Variants in NBEAL1 observed in about 807,000 individuals in gnomAD.
The protein encoded by NBEAL1 is neurobeachin-like protein 1.
In NBEAL1, 273 loss-of-function variants were observed where a neutral mutation model predicts 351.3. The ratio of observed to expected loss-of-function variants is 0.78; its 90% CI spans 0.70 to 0.86. The LOEUF (loss-of-function observed/expected upper bound fraction) is 0.86, where lower values mean the gene tolerates loss of function less well. NBEAL1 is among the 40% of genes least tolerant of loss of function. The probability of loss-of-function intolerance (pLI) is 0.00; values close to 1 mark genes in which losing one functional copy is unlikely to be tolerated. For missense variants in NBEAL1, 2,961 were observed against 3,201.3 expected, an observed-to-expected ratio of 0.92 and a Z score of 1.81; for synonymous variants, 1,050 against 1,086.4, an observed-to-expected ratio of 0.97 and a Z score of 0.66.
intron 2 of NBEAL1, among the ~76,000 whole-genome samples, chr2:203,028,703 C>T (rs899505826): frequency 6.6e-6 from 1 of 151,368 alleles, no homozygotes; most frequent in Non-Finnish European, 1.5e-5. Flanking sequence ...ATTTTTCTTT[C>T]CTAAAGAATT....
At chr2:203,039,886 G>A (rs1002105872) in intron 2 of NBEAL1, among the ~76,000 whole-genome samples, 2 of 152,172 alleles carry the variant, frequency 1.3e-5, no homozygotes, top group Non-Finnish European at 2.9e-5. Context: ...CTGCACTTGT[G>A]AAACCTGTAT....
chr2:203,018,047 C>T (rs148477460), intron 2 of NBEAL1, among the ~76,000 whole-genome samples: 63 of 152,164 alleles, frequency 4.1e-4, no homozygotes, highest in African/African-American at 1.3e-3. Flanking sequence ...TACCAGTTAA[C>T]GGATAAGCTT....
chr2:203,103,373 A>C (rs183888697), intron 12 of NBEAL1, among the ~76,000 whole-genome samples: 121 of 152,120 alleles, frequency 8.0e-4, no homozygotes, highest in African/African-American at 2.8e-3. Context: ...TCCCGGGTTC[A>C]AGCAGTTCTC....
At chr2:203,046,552 C>G (rs1188296953) in intron 3 of NBEAL1, among the ~76,000 whole-genome samples, 1 of 152,102 alleles carries the variant, frequency 6.6e-6, no homozygotes, top group Admixed American at 6.5e-5. Context: ...GTTCACCGTT[C>G]TGGAAGCTGG....
intron 2 of NBEAL1, chr2:203,040,358 A>T (rs555396533): frequency 2.8e-6 from 2 of 712,490 alleles, no homozygotes; most frequent in Non-Finnish European, 5.0e-6. Context: ...TTGCCAGATA[A>T]ACATGCCATG....
At chr2:203,124,846 T>A (rs1395047075) in intron 19 of NBEAL1, among the ~76,000 whole-genome samples, 3 of 152,244 alleles carry the variant, frequency 2.0e-5, no homozygotes, top group African/African-American at 7.2e-5. Context: ...TAGTAACTTA[T>A]CAAAAGATAT....
intron 12 of NBEAL1, among the ~76,000 whole-genome samples, chr2:203,102,897 T>C (rs978898888): frequency 1.3e-5 from 2 of 152,198 alleles, no homozygotes; most frequent in Non-Finnish European, 2.9e-5. Flanking sequence ...AGCTCTTTTT[T>C]ATGTATCTGA....
chr2:203,173,802 A>G (rs1198476249), intron 41 of NBEAL1, among the ~76,000 whole-genome samples: 1 of 152,156 alleles, frequency 6.6e-6, no homozygotes, highest in Non-Finnish European at 1.5e-5. Flanking sequence ...ACATTTTTGC[A>G]TAGATACAAA....
intron 7 of NBEAL1, among the ~76,000 whole-genome samples, chr2:203,072,835 CTT>C (rs2061705016): frequency 6.6e-6 from 1 of 152,138 alleles, no homozygotes; most frequent in African/African-American, 2.4e-5. Flanking sequence ...ATTCTTAGGT[CTT>C]TGTTGTAGTA....
intron 2 of NBEAL1, chr2:203,041,032 A>G (rs1407068700): frequency 1.3e-5 from 3 of 227,560 alleles, no homozygotes; most frequent in Non-Finnish European, 2.6e-5. Context: ...GTTAAAATAT[A>G]GTGGCTTATG....
At chr2:203,185,160 G>A (rs2064858449) in intron 44 of NBEAL1, among the ~76,000 whole-genome samples, 1 of 152,090 alleles carries the variant, frequency 6.6e-6, no homozygotes, top group South Asian at 2.1e-4. Flanking sequence ...GTATGGTTGT[G>A]GTTTTCAGAG....
rs149798713 is a variant in NBEAL1, at chr2:203,033,958, C to A, written c.52-7807C>A. ...ATTTGGGACTACACATTTACCCCCC[C>A]ACCCTTGACAGAATCAATAACTCCC... On this transcript the variant is annotated intron_variant, in intron 2 of 55. Transcript: ENST00000683969. 4.3e-4 allele frequency among the ~76,000 whole-genome samples: 66 copies of A among 152,228 alleles called. 1 individual carries two copies. In the East Asian group the frequency reaches 4.6e-3, roughly 11 times the overall value.
intron 51 of NBEAL1, among the ~76,000 whole-genome samples, chr2:203,205,563 A>G (rs1426372185): frequency 6.6e-6 from 1 of 152,086 alleles, no homozygotes; most frequent in African/African-American, 2.4e-5. Flanking sequence ...GTAATGTATT[A>G]TGTTGAGAAC....
At chr2:203,042,227 C>T (rs974277895) in intron 3 of NBEAL1, among the ~76,000 whole-genome samples, 34 of 152,388 alleles carry the variant, frequency 2.2e-4, no homozygotes, top group African/African-American at 8.2e-4. Context: ...GCTATAAATT[C>T]TGGGTTCTCA....
At chr2:203,141,131 T>C (rs2063356035) in intron 31 of NBEAL1, among the ~76,000 whole-genome samples, 1 of 151,546 alleles carries the variant, frequency 6.6e-6, no homozygotes, top group South Asian at 2.1e-4. Context: ...TAATGACTGC[T>C]AAAGTAGTTG....
chr2:203,072,256 C>T (rs2061695809), intron 7 of NBEAL1, among the ~76,000 whole-genome samples: 1 of 152,144 alleles, frequency 6.6e-6, no homozygotes, highest in Non-Finnish European at 1.5e-5. Context: ...TCTCTGTCCC[C>T]TTTAGTTCAA....
intron 27 of NBEAL1, 41 bp from the exon 28 acceptor site, chr2:203,135,636 T>G: frequency 8.2e-7 from 1 of 1,219,444 alleles, no homozygotes. Flanking sequence ...TAAAGTACTA[T>G]GTACTTTTTG....
intron 10 of NBEAL1, among the ~76,000 whole-genome samples, chr2:203,095,110 G>A (rs1292712075): frequency 6.6e-6 from 1 of 151,952 alleles, no homozygotes; most frequent in African/African-American, 2.4e-5. Flanking sequence ...GGCTACGAGA[G>A]TGAAACTCCG....
At chr2:203,030,791 C>CT in intron 2 of NBEAL1, among the ~76,000 whole-genome samples, 1 of 152,226 alleles carries the variant, frequency 6.6e-6, no homozygotes, top group African/African-American at 2.4e-5. Flanking sequence ...CTTTGGGAGA[C>CT]TGAGATGAAA....
Sources: gnomAD v4.1 joint callset for allele counts (sites outside exome capture counted in the v4.1 genomes callset) on GRCh38, gnomAD v4.1.1 for gene constraint, MANE v1.5 for transcripts, NCBI Gene and HGNC (gene_info 2026-07-23, HGNC 2026-07-21) for gene names.